The following PTPRG variants were observed in gnomAD, a reference collection of about 807,000 sequenced individuals.
PTPRG encodes protein tyrosine phosphatase receptor type G.
A neutral mutation model predicts 165.3 loss-of-function variants in PTPRG; 102 were observed. That is an observed-to-expected ratio of 0.62 (90% CI 0.53 to 0.73). PTPRG has a LOEUF of 0.73. PTPRG is among the 30% of genes least tolerant of loss of function. The pLI is 0.00. For synonymous variants in PTPRG, 675 were observed against 669.5 expected (o/e 1.01, Z -0.13); for missense variants, 1,866 against 1,861.4 (o/e 1.00, Z -0.05).
At chr3:61,862,434 T>G (rs1158765860) in intron 2 of PTPRG, among the ~76,000 whole-genome samples, 1 of 148,074 alleles carries the variant, frequency 6.8e-6, no homozygotes, top group Non-Finnish European at 1.5e-5. Context: ...CAGGCTGGAG[T>G]GCAATGGCGT....
chr3:61,676,973 A>G (rs1018357522), intron 1 of PTPRG, among the ~76,000 whole-genome samples: 15 of 152,072 alleles, frequency 9.9e-5, no homozygotes, highest in African/African-American at 2.7e-4. Flanking sequence ...TTAGCCAAGC[A>G]TGGTGGCTCA....
At chr3:61,922,374 G>A (rs1002871351) in intron 2 of PTPRG, among the ~76,000 whole-genome samples, 4 of 152,230 alleles carry the variant, frequency 2.6e-5, no homozygotes, top group Non-Finnish European at 5.9e-5. Flanking sequence ...AAAGATGTGC[G>A]CTCTGGTTGG....
At chr3:61,652,533 CA>C (rs1234555246) in intron 1 of PTPRG, among the ~76,000 whole-genome samples, 3 of 152,100 alleles carry the variant, frequency 2.0e-5, no homozygotes, top group Admixed American at 1.3e-4. Context: ...AAGGGATATT[CA>C]GTGGAGCAAA....
chr3:62,289,230 A>T (rs992696405), intron 28 of PTPRG, among the ~76,000 whole-genome samples: 2 of 152,248 alleles, frequency 1.3e-5, no homozygotes, highest in African/African-American at 4.8e-5. Context: ...TACCCATACC[A>T]TAGGGTTACT....
At chr3:62,014,690 C>T (rs1301178823) in intron 4 of PTPRG, among the ~76,000 whole-genome samples, 1 of 152,170 alleles carries the variant, frequency 6.6e-6, no homozygotes, top group Non-Finnish European at 1.5e-5. Context: ...CTTAGCCTGC[C>T]TCTGTGTTTG....
chr3:61,814,054 C>CA (rs2035680384), intron 2 of PTPRG, among the ~76,000 whole-genome samples: 1 of 152,082 alleles, frequency 6.6e-6, no homozygotes, highest in South Asian at 2.1e-4. Context: ...GCATGTGCCA[C>CA]AAGGCCTGAC....
intron 2 of PTPRG, among the ~76,000 whole-genome samples, chr3:61,977,536 G>A (rs1213127062): frequency 2.0e-5 from 3 of 151,862 alleles, no homozygotes; most frequent in Admixed American, 1.3e-4. Flanking sequence ...GTTTTGATTT[G>A]TATTTATTTT....
chr3:62,128,754 A>G (rs4515044), intron 5 of PTPRG, among the ~76,000 whole-genome samples: 18,250 of 149,232 alleles, frequency 0.12, 1,344 homozygotes, highest in East Asian at 0.31. Flanking sequence ...AAATGTAAAC[A>G]CAGGTTGCTA....
intron 12 of PTPRG, among the ~76,000 whole-genome samples, chr3:62,206,824 C>A (rs1007504069): frequency 7.1e-6 from 1 of 140,106 alleles, no homozygotes; most frequent in Non-Finnish European, 1.5e-5. Context: ...TCCAGCCACT[C>A]GGGAGGCTGA....
chr3:61,580,826 G>A (rs1253537652), intron 1 of PTPRG, among the ~76,000 whole-genome samples: 1 of 152,154 alleles, frequency 6.6e-6, no homozygotes, highest in Non-Finnish European at 1.5e-5. Flanking sequence ...ATCTTCTTAA[G>A]TTACCTTGGG....
chr3:62,027,626 A>G (rs2107774824), intron 4 of PTPRG, among the ~76,000 whole-genome samples: 1 of 152,354 alleles, frequency 6.6e-6, no homozygotes, highest in Admixed American at 6.5e-5. Context: ...TCATATTTTA[A>G]GCCAAGCAGC....
chr3:61,931,006 A>C (rs1477852310), intron 2 of PTPRG, among the ~76,000 whole-genome samples: 2 of 152,220 alleles, frequency 1.3e-5, no homozygotes, highest in Non-Finnish European at 2.9e-5. Flanking sequence ...GGTTGCAGTG[A>C]GCTGAGATCA....
chr3:61,663,167 AAAAAATAAAATT>A (rs1244669412), intron 1 of PTPRG, among the ~76,000 whole-genome samples: 3 of 152,158 alleles, frequency 2.0e-5, no homozygotes, highest in African/African-American at 7.2e-5. Flanking sequence ...CAAAATAAAT[AAAAAATAAAATT>A]AAAAATAAAA....
At chr3:62,161,506 A>G (rs1704760085) in intron 7 of PTPRG, among the ~76,000 whole-genome samples, 2 of 152,232 alleles carry the variant, frequency 1.3e-5, no homozygotes, top group Admixed American at 6.5e-5. Context: ...CAAGGCCACG[A>G]CAACTGGTGA....
chr3:61,660,118 A>G (rs4688262), intron 1 of PTPRG, among the ~76,000 whole-genome samples: 147,740 of 152,204 alleles, frequency 0.97, 71,826 homozygotes, highest in Non-Finnish European at 1. Context: ...CCAGCTACTC[A>G]GGAGGCTGAG....
intron 7 of PTPRG, among the ~76,000 whole-genome samples, chr3:62,161,175 T>G (rs991895444): frequency 6.6e-6 from 1 of 152,160 alleles, no homozygotes; most frequent in Non-Finnish European, 1.5e-5. Flanking sequence ...TAGACTAGAA[T>G]ATGTATAAAG....
At chr3:62,256,669 G>T (rs1465061455) in intron 16 of PTPRG, among the ~76,000 whole-genome samples, 1 of 152,210 alleles carries the variant, frequency 6.6e-6, no homozygotes, top group African/African-American at 2.4e-5. Flanking sequence ...ATTTAACAAC[G>T]TTGATGGTAT....
intron 2 of PTPRG, among the ~76,000 whole-genome samples, chr3:61,926,156 A>T (rs1478681646): frequency 6.6e-6 from 1 of 152,142 alleles, no homozygotes; most frequent in African/African-American, 2.4e-5. Context: ...CATGGAAATA[A>T]ACTTGGAGAA....
At chr3:61,599,097 G>C (rs1700778200) in intron 1 of PTPRG, among the ~76,000 whole-genome samples, 1 of 152,178 alleles carries the variant, frequency 6.6e-6, no homozygotes, top group Admixed American at 6.5e-5. Context: ...AGCAACCTCA[G>C]TCAAGCAACC....
Sources: gnomAD v4.1 joint callset for allele counts (sites outside exome capture counted in the v4.1 genomes callset) on GRCh38, gnomAD v4.1.1 for gene constraint, MANE v1.5 for transcripts, NCBI Gene and HGNC (gene_info 2026-07-23, HGNC 2026-07-21) for gene names.